Variants in NRAP observed in about 807,000 individuals in gnomAD.
NRAP encodes the protein nebulin-related-anchoring protein.
In NRAP, 189 loss-of-function variants were observed where a neutral mutation model predicts 225.9. The observed-to-expected ratio is 0.84, with a 90% CI of 0.74 to 0.94. The LOEUF (loss-of-function observed/expected upper bound fraction) is 0.94, where lower values mean the gene tolerates loss of function less well. Ranked by LOEUF, NRAP falls within the 40% of genes least tolerant of loss-of-function variation. The pLI is 0.00. For synonymous variants in NRAP, 769 were observed against 790.7 expected (o/e 0.97, Z 0.46); for missense variants, 2,176 against 2,168.7 (o/e 1.00, Z -0.07).
intron 15 of NRAP, 131 bp downstream of exon 15, chr10:113,633,981 T>C: frequency 1.5e-6 from 1 of 675,806 alleles, no homozygotes; most frequent in Non-Finnish European, 2.7e-6. Flanking sequence ...GAAGTGGGGG[T>C]CATTTTCTGG....
chr10:113,591,582 A>G (rs1845996864), intron 39 of NRAP, among the ~76,000 whole-genome samples: 1 of 152,224 alleles, frequency 6.6e-6, no homozygotes, highest in Non-Finnish European at 1.5e-5. Context: ...ACCAGCAGGA[A>G]ACTGTTCCCA....
chr10:113,662,715 A>G lies in NRAP; in HGVS notation c.219T>C (p.Asn73=), dbSNP rs3127122. The change falls in exon 3 of 42, where the codon AAT becomes AAC. Residue 73 remains asparagine (N), a synonymous_variant. Coordinates refer to ENST00000359988, the MANE Select transcript of NRAP (RefSeq NM_198060.4). ...CCTCTGGAAATGTCCTCACATTTAG[A>G]TTTAATGGAGTGTGATAGACACTGG... ...TFTSVYHTPL[N]LNVRTFPEAI... is the part of the protein sequence containing the mutation. The G allele has an allele frequency of 0.33, 532,429 of 1,591,752 alleles. 92,377 individuals are homozygous for G. The highest frequency in any genetic ancestry group is 0.47 in the Admixed American group (27,844 of 59,814).
At chr10:113,650,343 G>C in intron 8 of NRAP, 95 bp downstream of exon 8, 1 of 956,712 alleles carries the variant, frequency 1.0e-6, no homozygotes, top group Non-Finnish European at 1.7e-6. Context: ...CTGGCTTCAG[G>C]GTAAATGCAA....
At chr10:113,604,985 C>T in intron 34 of NRAP, 65 bp from the exon 35 acceptor site, 1 of 1,538,326 alleles carries the variant, frequency 6.5e-7, no homozygotes, top group Admixed American at 1.9e-5. Flanking sequence ...CTAGAAAAAT[C>T]ACTTGTTCTT....
chr10:113,628,998 T>A lies in NRAP; in HGVS notation c.2064A>T (p.Ala688=). 1 of 1,613,988 alleles carries A rather than the reference T, an allele frequency of 6.2e-7. No individual in the cohort carries two copies. Among genetic ancestry groups the A allele is most frequent in the East Asian group, 2.2e-5 (1 of 44,884 alleles). ...TCAGCCACCCAACTCCCTTCATCCA[T>A]GCCAGGTCAGCCTTGTACTGCAGCT... ...QSELQYKADL[A]WMKGVGWLTE... Residue 688 remains alanine (A), a synonymous_variant, in exon 20 of 42, where the codon GCA becomes GCT. Coordinates refer to ENST00000359988, the MANE Select transcript of NRAP (RefSeq NM_198060.4).
intron 36 of NRAP, 146 bp downstream of exon 36, chr10:113,597,823 A>C (rs1846369394): frequency 1.5e-6 from 1 of 664,448 alleles, no homozygotes; most frequent in African/African-American, 1.8e-5. Flanking sequence ...CTGTCTTGGG[A>C]TTTGGTTGCA....
intron 4 of NRAP, among the ~76,000 whole-genome samples, chr10:113,654,887 G>C (rs750591190): frequency 1.3e-5 from 2 of 152,030 alleles, no homozygotes; most frequent in Non-Finnish European, 2.9e-5. Context: ...ATTATTTGTT[G>C]AATAAATTCC....
Position 113,617,569 on chromosome 10 carries a change from A to C in NRAP, c.2875-16T>G. On this transcript the variant is annotated splice_polypyrimidine_tract_variant and intron_variant, in intron 25 of 41. Coordinates refer to ENST00000359988, the MANE Select transcript of NRAP (RefSeq NM_198060.4). ...GGTACTTCTTCTGTTGAGCAGAAAA[A>C]GATCAAAGCTGTGAATTTTGTGCTG... The C allele has an allele frequency of 6.7e-7, 1 of 1,498,030 alleles. No homozygotes were observed. The highest frequency in any genetic ancestry group is 9.3e-7 in the Non-Finnish European group (1 of 1,074,084). The allele number at this position is 1,498,030 out of a possible 1,614,324, so 92.8% of individuals were successfully genotyped here.
rs139737047 is a variant in NRAP, at chr10:113,634,767, T to C, written c.1429-557A>G. Among the ~76,000 whole-genome samples the C allele has an allele frequency of 5.3e-3, 809 of 152,276 alleles. 7 individuals carry two copies. The highest frequency in any genetic ancestry group is 0.018 in the African/African-American group (743 of 41,548). On this transcript the variant is annotated intron_variant, in intron 14 of 41. Transcript: ENST00000359988. ...ATTAAAGCAGTATATCCACACATAG[T>C]ATACTTTCCTATATACGTCTTATAC... is the stretch of plus-strand genomic sequence containing the variant.
In NRAP at chr10:113,650,484, G is replaced by A; in HGVS notation, c.737C>T (p.Thr246Ile). 6.2e-7 allele frequency: 1 copy of A among 1,613,922 alleles called. No homozygotes were observed. Among genetic ancestry groups the A allele is most frequent in the Non-Finnish European group, 8.5e-7 (1 of 1,179,860 alleles). The change falls in exon 8 of 42, where the codon ACA becomes ATA. Residue 246 changes from threonine (T) to isoleucine (I), a missense_variant. Transcript: ENST00000359988. Reference sequence around the variant, plus strand: ...TCTTTTGGCTATCTGATAGGCGGGTGTGATCATCGCAGGGAAACTGCCTTT... The same window carrying A: ...TCTTTTGGCTATCTGATAGGCGGGTATGATCATCGCAGGGAAACTGCCTTT... ...RGKGSFPAMI[T>I]PAYQIAKRAN...
Position 113,604,783 on chromosome 10 carries a change from G to T in NRAP, c.4053C>A (p.Thr1351=), listed in dbSNP as rs771184417. 6.2e-7 allele frequency: 1 copy of T among 1,614,162 alleles called. No individual in the cohort carries two copies. The highest frequency in any genetic ancestry group is 8.5e-7 in the Non-Finnish European group (1 of 1,180,032). Residue 1351 remains threonine (T), a synonymous_variant, in exon 35 of 42, where the codon ACC becomes ACA. Coordinates refer to ENST00000359988, the MANE Select transcript of NRAP (RefSeq NM_198060.4). Reference sequence around the variant, plus strand: ...GCAGATGGAACTGGGCTTGGCTGCTGGTCGCCCCCCTCCTGTACTGAAGCT... The same window carrying T: ...GCAGATGGAACTGGGCTTGGCTGCTTGTCGCCCCCCTCCTGTACTGAAGCT... ...QSELQYRRGA[T]SSQAQFHLPM...
intron 11 of NRAP, among the ~76,000 whole-genome samples, chr10:113,643,620 C>G (rs1345860157): frequency 6.6e-6 from 1 of 152,216 alleles, no homozygotes; most frequent in African/African-American, 2.4e-5. Flanking sequence ...TATTTGAGCT[C>G]TCCCGGGTGC....
At chr10:113,651,716 G>A (rs570999410) in intron 7 of NRAP, 87 bp downstream of exon 7, 3 of 762,174 alleles carry the variant, frequency 3.9e-6, no homozygotes, top group African/African-American at 1.7e-5. Flanking sequence ...GCACGTGTAT[G>A]TTCATTGCAG....
intron 28 of NRAP, 82 bp from the exon 29 acceptor site, chr10:113,614,378 G>C (rs1008137391): frequency 5.0e-6 from 5 of 1,009,050 alleles, no homozygotes; most frequent in Non-Finnish European, 7.9e-6. Context: ...GGGTGAAAAT[G>C]TTTTGTTCTT....
intron 16 of NRAP, among the ~76,000 whole-genome samples, chr10:113,632,356 C>T (rs1266517348): frequency 2.0e-5 from 3 of 152,232 alleles, no homozygotes; most frequent in African/African-American, 7.2e-5. Flanking sequence ...TGAAGCATAA[C>T]ATAAGTGTGG....
At chr10:113,638,408 C>T (rs1437579446) in intron 14 of NRAP, among the ~76,000 whole-genome samples, 2 of 152,158 alleles carry the variant, frequency 1.3e-5, no homozygotes. Flanking sequence ...AAAGGGAATG[C>T]TCTCAAATTA....
chr10:113,646,258 T>C (rs1370759642), intron 10 of NRAP, among the ~76,000 whole-genome samples: 1 of 152,196 alleles, frequency 6.6e-6, no homozygotes, highest in Non-Finnish European at 1.5e-5. Context: ...AAACATCATT[T>C]CCCTGCTAAT....
In NRAP at chr10:113,624,926, G is replaced by A. The variant is rs751459116; in HGVS notation, c.2249C>T (p.Ala750Val). 6.2e-7 allele frequency: 1 copy of A among 1,610,852 alleles called. No individual in the cohort carries two copies. The highest frequency in any genetic ancestry group is 2.2e-5 in the East Asian group (1 of 44,866). Residue 750 changes from alanine (A) to valine (V), a missense_variant, in exon 22 of 42, where the codon GCC becomes GTC. Transcript: ENST00000359988. ...KKSQELQSGVAYKAGNEQSVH... is the reference protein window; with the variant it reads ...KKSQELQSGVVYKAGNEQSVH... Reference sequence around the variant, plus strand: ...AGACTGCTCATTTCCTGCCTTGTAGGCCACCTGTTGGGAAAGAGCACTGAG... The same window carrying A: ...AGACTGCTCATTTCCTGCCTTGTAGACCACCTGTTGGGAAAGAGCACTGAG...
intron 35 of NRAP, among the ~76,000 whole-genome samples, chr10:113,600,155 T>TCTCTCTCACTCTCTC (rs1846510740): frequency 7.1e-6 from 1 of 140,198 alleles, no homozygotes; most frequent in Non-Finnish European, 1.5e-5. Context: ...AGGGGTTATA[T>TCTCTCTCACTCTCTC]TCTCTCTCTC....
Sources: allele counts gnomAD v4.1 joint callset (sites outside exome capture counted in the v4.1 genomes callset), GRCh38; gene constraint gnomAD v4.1.1; transcripts MANE v1.5; gene names NCBI Gene and HGNC (gene_info 2026-07-23, HGNC 2026-07-21).